GRM7: variants seen among roughly 807,000 people sequenced by gnomAD.
GRM7 encodes the protein glutamate metabotropic receptor 7.
In GRM7, 35 loss-of-function variants were observed where a neutral mutation model predicts 84.5. The observed-to-expected ratio is 0.41, with a 90% CI of 0.32 to 0.55. GRM7 has a LOEUF of 0.55. Ranked by LOEUF, GRM7 falls within the 20% of genes least tolerant of loss-of-function variation. The pLI is 0.19. For synonymous variants in GRM7, 487 were observed against 455.1 expected (o/e 1.07, Z -0.89); for missense variants, 1,003 against 1,194.6 (o/e 0.84, Z 2.36).
chr3:7,255,374 C>G (rs1698157008), intron 2 of GRM7, among the ~76,000 whole-genome samples: 1 of 152,194 alleles, frequency 6.6e-6, no homozygotes, highest in Admixed American at 6.6e-5. Context: ...TGTTGTCTTT[C>G]TAGCTTTTAA....
chr3:6,947,352 C>T (rs943792852), intron 1 of GRM7, among the ~76,000 whole-genome samples: 9 of 152,186 alleles, frequency 5.9e-5, no homozygotes, highest in South Asian at 4.1e-4. Context: ...TGCTGGATTA[C>T]GTTTATTGAT....
chr3:7,636,230 T>A (rs1299420741), intron 8 of GRM7: 1 of 456,590 alleles, frequency 2.2e-6, no homozygotes, highest in Non-Finnish European at 4.4e-6. Flanking sequence ...CTTTGTAATG[T>A]CTTCTCTTAC....
intron 7 of GRM7, among the ~76,000 whole-genome samples, chr3:7,562,855 G>A (rs1007130687): frequency 6.6e-6 from 1 of 151,992 alleles, no homozygotes; most frequent in African/African-American, 2.4e-5. Flanking sequence ...TGGATAGAGT[G>A]GTTTCTTTTT....
chr3:7,572,316 A>G (rs560775043), intron 7 of GRM7, among the ~76,000 whole-genome samples: 5 of 152,252 alleles, frequency 3.3e-5, no homozygotes, highest in African/African-American at 1.2e-4. Context: ...GATTTAATTT[A>G]TCTGGGGTGT....
At chr3:7,368,800 A>G (rs1390162122) in intron 4 of GRM7, among the ~76,000 whole-genome samples, 2 of 152,144 alleles carry the variant, frequency 1.3e-5, no homozygotes, top group Non-Finnish European at 2.9e-5. Context: ...ATCAGGGACT[A>G]CATCTGTTCT....
Position 7,286,201 on chromosome 3 carries a change from A to G in GRM7, c.737-12483A>G, listed in dbSNP as rs1559553611. On this transcript the variant is annotated intron_variant, in intron 2 of 9. Transcript: ENST00000357716. ...TAGTGTAACCTAAATTAAAACCCATATTCATTGTTACAAGATTACATGTTT... is the reference window on the plus strand; with the variant it reads ...TAGTGTAACCTAAATTAAAACCCATGTTCATTGTTACAAGATTACATGTTT... Among the ~76,000 whole-genome samples the G allele has an allele frequency of 7.9e-5, 12 of 152,274 alleles. No individual in the cohort carries two copies. In the South Asian group the frequency reaches 2.5e-3, roughly 32 times the overall value.
intron 2 of GRM7, among the ~76,000 whole-genome samples, chr3:7,261,263 T>C (rs1299389016): frequency 1.3e-5 from 2 of 152,254 alleles, no homozygotes; most frequent in South Asian, 4.1e-4. Flanking sequence ...TAAACCTTCC[T>C]GTATCATTGT....
intron 4 of GRM7, among the ~76,000 whole-genome samples, chr3:7,398,836 A>T (rs1329003477): frequency 6.6e-6 from 1 of 152,056 alleles, no homozygotes; most frequent in South Asian, 2.1e-4. Context: ...CATGAAGCCA[A>T]CCCTGGTTGT....
rs1436495556 is a variant in GRM7 at position 7,461,570 on chromosome 3, C to T, written c.1376-13C>T. 1.2e-6 allele frequency: 2 copies of T among 1,604,912 alleles called. No homozygotes were observed. Among genetic ancestry groups the T allele is most frequent in the Admixed American group, 1.7e-5 (1 of 59,584 alleles). ...TTAACTTTAGAATCTTTCATTTTTTCTGTCTTCCTTAGGTAGTGCTGGCAC... is the reference window on the plus strand; with the variant it reads ...TTAACTTTAGAATCTTTCATTTTTTTTGTCTTCCTTAGGTAGTGCTGGCAC... On this transcript the variant is annotated splice_polypyrimidine_tract_variant and intron_variant, in intron 6 of 9. Transcript: ENST00000357716.
chr3:6,875,521 T>C (rs1303423478), intron 1 of GRM7, among the ~76,000 whole-genome samples: 7 of 152,190 alleles, frequency 4.6e-5, no homozygotes, highest in African/African-American at 1.7e-4. Flanking sequence ...TCATTCGCCT[T>C]CTGCCATGAT....
In GRM7 at chr3:7,047,832, A is replaced by T. The variant is rs796581925; in HGVS notation, c.520-98620A>T. 2.6e-5 allele frequency among the ~76,000 whole-genome samples: 4 copies of T among 152,144 alleles called. No homozygotes were observed. The East Asian group carries it at 7.8e-4, about 29-fold the overall frequency. ...AATCTTTCAGAGAGTTTGGTTATTG[A>T]TTCCAAGAATGGTTTTCTCTCAAAA... On this transcript the variant is annotated intron_variant, in intron 1 of 9. Transcript: ENST00000357716.
intron 1 of GRM7, among the ~76,000 whole-genome samples, chr3:7,141,230 T>C (rs1568075): frequency 6.6e-6 from 1 of 151,542 alleles, no homozygotes; most frequent in East Asian, 1.9e-4. Context: ...CTATTACAAC[T>C]AAAAAGAATT....
chr3:7,140,218 C>T (rs1351341377), intron 1 of GRM7, among the ~76,000 whole-genome samples: 1 of 151,952 alleles, frequency 6.6e-6, no homozygotes, highest in Non-Finnish European at 1.5e-5. Flanking sequence ...TTGGATGTCT[C>T]ATCTTTCTCA....
intron 1 of GRM7, among the ~76,000 whole-genome samples, chr3:6,984,087 T>A (rs1003283294): frequency 1.8e-4 from 27 of 152,324 alleles, no homozygotes; most frequent in Admixed American, 5.2e-4. Flanking sequence ...AACATTTTTT[T>A]AATTACCTTG....
rs138464858 is a variant in GRM7 at position 7,510,683 on chromosome 3, C to T, written c.1515+48961C>T. On this transcript the variant is annotated intron_variant, in intron 7 of 9. Coordinates refer to ENST00000357716, the MANE Select transcript of GRM7 (RefSeq NM_000844.4). Reference sequence around the variant, plus strand: ...CTGAGGTCAGATCAAATCTGTCCTGCTGTCTATCATTGTGCAGCCCACATG... The same window carrying T: ...CTGAGGTCAGATCAAATCTGTCCTGTTGTCTATCATTGTGCAGCCCACATG... Among the ~76,000 whole-genome samples, 3 of 152,216 alleles carry T rather than the reference C, an allele frequency of 2.0e-5. No individual in the cohort carries two copies. The East Asian group carries it at 5.8e-4, about 29-fold the overall frequency.
rs144988733 is a variant in GRM7 at position 7,371,173 on chromosome 3, A to G, written c.1034-43850A>G. ...GTAAAGGACCATTTTAAAAAAACATAGATTGCAGACCACAATAGAGTGACG... is the reference window on the plus strand; with the variant it reads ...GTAAAGGACCATTTTAAAAAAACATGGATTGCAGACCACAATAGAGTGACG... On this transcript the variant is annotated intron_variant, in intron 4 of 9. Transcript: ENST00000357716. Among the ~76,000 whole-genome samples the G allele has an allele frequency of 5.3e-3, 803 of 152,272 alleles. 11 individuals are homozygous for G. Among genetic ancestry groups the G allele is most frequent in the African/African-American group, 0.019 (773 of 41,564 alleles).
At chr3:6,991,572 A>G (rs1289550554) in intron 1 of GRM7, among the ~76,000 whole-genome samples, 1 of 152,216 alleles carries the variant, frequency 6.6e-6, no homozygotes, top group African/African-American at 2.4e-5. Flanking sequence ...GAGAAAGAAG[A>G]AGAAAAATGG....
intron 1 of GRM7, among the ~76,000 whole-genome samples, chr3:6,917,111 A>G (rs1696966989): frequency 6.6e-6 from 1 of 152,170 alleles, no homozygotes; most frequent in African/African-American, 2.4e-5. Context: ...TTTGTACCTC[A>G]GTTTTCTCAA....
At chr3:7,576,340 G>A (rs1365704184) in intron 7 of GRM7, among the ~76,000 whole-genome samples, 1 of 152,204 alleles carries the variant, frequency 6.6e-6, no homozygotes, top group Non-Finnish European at 1.5e-5. Context: ...TATTAGTGCT[G>A]ACTTGGGCTT....
Sources: gnomAD v4.1 joint callset for allele counts (sites outside exome capture counted in the v4.1 genomes callset) on GRCh38, gnomAD v4.1.1 for gene constraint, MANE v1.5 for transcripts, NCBI Gene and HGNC (gene_info 2026-07-23, HGNC 2026-07-21) for gene names.